Variants in LTBP1 observed in about 807,000 individuals in gnomAD.
LTBP1 encodes latent-transforming growth factor beta-binding protein 1.
In LTBP1, 129 loss-of-function variants were observed where a neutral mutation model predicts 207.6. The ratio of observed to expected loss-of-function variants is 0.62; its 90% CI spans 0.54 to 0.72. The LOEUF (loss-of-function observed/expected upper bound fraction) is 0.72, where lower values mean the gene tolerates loss of function less well. Among genes scored for constraint, LTBP1 ranks in the 30% least tolerant of loss-of-function variants. LTBP1 has a pLI of 0.00. For missense variants in LTBP1, 2,281 were observed against 2,217.2 expected (o/e 1.03, Z -0.58); for synonymous variants, 963 against 833.7 (o/e 1.16, Z -2.67).
chr2:33,076,576 A>G (rs846461), intron 3 of LTBP1, among the ~76,000 whole-genome samples: 115,673 of 151,198 alleles, frequency 0.77, 46,028 homozygotes, highest in East Asian at 0.98. Flanking sequence ...CACTCTTGTC[A>G]CCCAGGCTGG....
chr2:33,238,261 T>C (rs1050957573), intron 9 of LTBP1, among the ~76,000 whole-genome samples: 4 of 152,220 alleles, frequency 2.6e-5, no homozygotes, highest in African/African-American at 4.8e-5. Flanking sequence ...GCTCATGTCC[T>C]GTTCTTACCT....
At chr2:33,354,523 A>T (rs916188706) in intron 26 of LTBP1, among the ~76,000 whole-genome samples, 1 of 152,190 alleles carries the variant, frequency 6.6e-6, no homozygotes, top group Non-Finnish European at 1.5e-5. Flanking sequence ...TCCAGCGATG[A>T]CAATGAGAAG....
chr2:33,341,733 T>A (rs1024056000), intron 24 of LTBP1, among the ~76,000 whole-genome samples: 137 of 132,508 alleles, frequency 1.0e-3, no homozygotes, highest in Middle Eastern at 4.0e-3. Flanking sequence ...AAAAAAAATA[T>A]ATATATATAT....
intron 2 of LTBP1, among the ~76,000 whole-genome samples, chr2:32,953,638 C>T (rs1401046625): frequency 1.3e-5 from 2 of 152,168 alleles, no homozygotes; most frequent in South Asian, 2.1e-4. Flanking sequence ...CCTCCTCCGG[C>T]CCATGGGCCT....
chr2:33,362,032 T>C (rs2094933126), intron 28 of LTBP1, among the ~76,000 whole-genome samples: 1 of 152,158 alleles, frequency 6.6e-6, no homozygotes, highest in African/African-American at 2.4e-5. Context: ...ACAACCAAAG[T>C]AGACATGTTT....
chr2:33,111,691 T>C (rs1417673239), intron 4 of LTBP1, among the ~76,000 whole-genome samples: 1 of 152,162 alleles, frequency 6.6e-6, no homozygotes, highest in Non-Finnish European at 1.5e-5. Flanking sequence ...TCAGAATTGG[T>C]CATTTAACAA....
intron 1 of LTBP1, among the ~76,000 whole-genome samples, chr2:32,948,634 C>T (rs1232184687): frequency 6.6e-6 from 1 of 152,196 alleles, no homozygotes; most frequent in Non-Finnish European, 1.5e-5. Context: ...TTCTCCCTTC[C>T]TGTATAGCCC....
intron 3 of LTBP1, among the ~76,000 whole-genome samples, chr2:33,107,821 T>C (rs1011644758): frequency 3.3e-5 from 5 of 151,878 alleles, no homozygotes; most frequent in African/African-American, 4.8e-5. Context: ...AATCTAATTT[T>C]CTCTTCAAAA....
At chr2:33,278,876 A>G in intron 18 of LTBP1, among the ~76,000 whole-genome samples, 1 of 152,238 alleles carries the variant, frequency 6.6e-6, no homozygotes, top group East Asian at 1.9e-4. Flanking sequence ...TGATAGAAAA[A>G]AAATTACAAC....
intron 7 of LTBP1, among the ~76,000 whole-genome samples, chr2:33,209,658 T>C (rs572971776): frequency 3.3e-5 from 5 of 152,362 alleles, no homozygotes; most frequent in African/African-American, 1.2e-4. Context: ...TCTTTTTCTT[T>C]TATTTCTATA....
At chr2:33,171,742 A>G (rs1289519483) in intron 5 of LTBP1, among the ~76,000 whole-genome samples, 4 of 152,158 alleles carry the variant, frequency 2.6e-5, no homozygotes, top group African/African-American at 9.7e-5. Context: ...AACAAATGTT[A>G]AGGGCAGCCA....
chr2:33,056,313 T>G, intron 3 of LTBP1: 1 of 930,966 alleles, frequency 1.1e-6, no homozygotes, highest in Non-Finnish European at 1.5e-6. Flanking sequence ...GCCTGCAGTT[T>G]TGTTTTGTTT....
At position 33,215,711 on chromosome 2, in the gene LTBP1, C is replaced by CTTTTTTTT. The variant is rs201936680; in HGVS notation, c.1702-1837_1702-1836insTTTTTTTT. 1.2e-4 allele frequency among the ~76,000 whole-genome samples: 15 copies of CTTTTTTTT among 125,992 alleles called. 1 individual carries two copies. Among genetic ancestry groups the CTTTTTTTT allele is most frequent in the East Asian group, 2.2e-4 (1 of 4,586 alleles). The allele number at this position is 125,992 out of a possible 152,430, so 82.7% of individuals were successfully genotyped here. Reference sequence around the variant, plus strand: ...TGGATGCTAAACTTCCATTGGTTTTCTTTTGTTTTTTGTTTTTTTTTTTTG... The same window carrying CTTTTTTTT: ...TGGATGCTAAACTTCCATTGGTTTTCTTTTTTTTTTTTGTTTTTTGTTTTTTTTTTTTG... On this transcript the variant is annotated intron_variant, in intron 7 of 33. Transcript: ENST00000404816.
At chr2:33,183,867 G>A (rs10211514) in intron 5 of LTBP1, among the ~76,000 whole-genome samples, 78,882 of 151,984 alleles carry the variant, frequency 0.52, 20,690 homozygotes, top group African/African-American at 0.54. Flanking sequence ...CACTAATGAA[G>A]GTATTTTTCA....
In LTBP1 at chr2:33,360,627, A is replaced by G. The variant is rs2094917808; in HGVS notation, c.4031A>G (p.Glu1344Gly). Residue 1344 changes from glutamate (E) to glycine (G), a missense_variant, in exon 27 of 34, where the codon GAA becomes GGA. Around this residue, in one of 3 missense-constraint regions of LTBP1, gnomAD observed 1,671 missense variants for 1,634.8 expected, o/e 1.02. Coordinates refer to ENST00000404816, the MANE Select transcript of LTBP1 (RefSeq NM_206943.4). ...GATGTAGATGTAGATCAACCCAAAGAAGAAAAGAAAGAATGCTACTATAAT... is the reference window on the plus strand; with the variant it reads ...GATGTAGATGTAGATCAACCCAAAGGAGAAAAGAAAGAATGCTACTATAAT... The part of the protein sequence containing the change: ...DLDVDVDQPK[E>G]EKKECYYNLN... 1 of 1,613,606 alleles carries G rather than the reference A, an allele frequency of 6.2e-7. No individual in the cohort carries two copies. Among genetic ancestry groups the G allele is most frequent in the South Asian group, 1.1e-5 (1 of 91,068 alleles).
chr2:33,129,043 ACCTGGAACAG>A (rs996658683), intron 4 of LTBP1, among the ~76,000 whole-genome samples: 1 of 152,140 alleles, frequency 6.6e-6, no homozygotes, highest in Non-Finnish European at 1.5e-5. Context: ...TGAAAGAGAC[ACCTGGAACAG>A]CCTGGAACAG....
At chr2:33,230,699 A>G (rs2091735351) in intron 9 of LTBP1, among the ~76,000 whole-genome samples, 1 of 152,200 alleles carries the variant, frequency 6.6e-6, no homozygotes, top group East Asian at 1.9e-4. Context: ...ATATTTTGCC[A>G]TAAGTGGGTT....
At chr2:33,323,929 T>G (rs2149373195) in intron 24 of LTBP1, among the ~76,000 whole-genome samples, 1 of 152,314 alleles carries the variant, frequency 6.6e-6, no homozygotes, top group East Asian at 1.9e-4. Context: ...TACATGGGCT[T>G]GAACTCTTGT....
At chr2:33,357,929 G>A (rs916282422) in intron 26 of LTBP1, among the ~76,000 whole-genome samples, 12 of 152,014 alleles carry the variant, frequency 7.9e-5, no homozygotes, top group African/African-American at 2.9e-4. Context: ...TCCACCCCTG[G>A]CAGCAATGAA....
Sources: gnomAD v4.1 joint callset for allele counts (sites outside exome capture counted in the v4.1 genomes callset) on GRCh38, gnomAD v4.1.1 for gene constraint, gnomAD v4.1.1 regional missense constraint, MANE v1.5 for transcripts, NCBI Gene and HGNC (gene_info 2026-07-23, HGNC 2026-07-21) for gene names.